The following MARK4 variants were observed in gnomAD, a reference collection of about 807,000 sequenced individuals.
MARK4 encodes MAP/microtubule affinity-regulating kinase 4.
Under a neutral mutation model 81.5 loss-of-function variants are expected in MARK4, and 19 were observed. The observed-to-expected ratio is 0.23, with a 90% CI of 0.16 to 0.34. The LOEUF (loss-of-function observed/expected upper bound fraction) is 0.34, where lower values mean the gene tolerates loss of function less well. Among genes scored for constraint, MARK4 ranks in the 10% least tolerant of loss-of-function variants. MARK4 has a pLI of 1.00. For synonymous variants in MARK4, 436 were observed against 439.0 expected (o/e 0.99, Z 0.08); for missense variants, 772 against 1,058.8 (o/e 0.73, Z 3.76).
chr19:45,263,284 C>T lies in MARK4; in HGVS notation c.307-35C>T, dbSNP rs760206938. On this transcript the variant is annotated intron_variant, in intron 3 of 16. Transcript: ENST00000262891. The stretch of plus-strand genomic sequence containing the variant: ...AAGGATCCCCCAAGCCACCCACCCT[C>T]ACTCTCCTCTGTCTTCCTTTCTGGC... 4 of 1,614,192 alleles carry T rather than the reference C, an allele frequency of 2.5e-6. No individual in the cohort carries two copies. The Middle Eastern group carries it at 6.6e-4, about 266-fold the overall frequency.
rs757281634 is a variant in MARK4 at position 45,287,582 on chromosome 19, C to T, written c.1412C>T (p.Pro471Leu). 3.8e-6 allele frequency: 6 copies of T among 1,597,284 alleles called. No individual in the cohort carries two copies. Among genetic ancestry groups the T allele is most frequent in the South Asian group, 1.1e-5 (1 of 89,560 alleles). ...GGGAGTGGGAGTCGAGGGCTGCCCC[C>T]CTCCAGCCCCATGGTCAGCAGCGCC... is the stretch of plus-strand genomic sequence containing the variant. ...TAGSGSRGLPPSSPMVSSAHN... is the reference protein window; with the variant it reads ...TAGSGSRGLPLSSPMVSSAHN... Residue 471 changes from proline to leucine, a missense_variant, in exon 13 of 17, where the codon CCC becomes CTC. By Grantham distance (98) the Pro-to-Leu change is moderately conservative. Coordinates refer to ENST00000262891, the MANE Select transcript of MARK4 (RefSeq NM_001199867.2).
In MARK4 at chr19:45,280,436, T is replaced by A; in HGVS notation, c.1069T>A (p.Tyr357Asn). 6.2e-7 allele frequency: 1 copy of A among 1,614,100 alleles called. No homozygotes were observed. Among genetic ancestry groups the A allele is most frequent in the Non-Finnish European group, 8.5e-7 (1 of 1,180,004 alleles). ...CAAAGAGTCCTTGACCAGCCAGAAG[T>A]ACAACGAAGTGACCGCCACCTACCT... Reference protein sequence around the residue: ...EIKESLTSQKYNEVTATYLLL... With the variant: ...EIKESLTSQKNNEVTATYLLL... Residue 357 changes from tyrosine to asparagine, a missense_variant, in exon 11 of 17, where the codon TAC (tyrosine) becomes AAC (asparagine). Physicochemically the swap from Tyr to Asn is moderately radical, Grantham distance 143 (BLOSUM62 -2). Coordinates refer to ENST00000262891, the MANE Select transcript of MARK4 (RefSeq NM_001199867.2).
Position 45,302,337 on chromosome 19 carries a change from G to A in MARK4, c.1923-37G>A, listed in dbSNP as rs1970986314. 8 of 1,613,618 alleles carry A rather than the reference G, an allele frequency of 5.0e-6. No homozygotes were observed. Among genetic ancestry groups the A allele is most frequent in the Admixed American group, 3.3e-5 (2 of 59,968 alleles). ...TCAGCCCTCCACCACATTCCTCTTC[G>A]CTCCCATCTCTGACCCCTGACATCT... On this transcript the variant is annotated intron_variant, in intron 16 of 16. Transcript: ENST00000262891. The surrounding 1 kb of genome is among the most constrained non-coding windows in gnomAD (Gnocchi z 4.9).
At chr19:45,269,976 C>T (rs1437999637) in intron 7 of MARK4, among the ~76,000 whole-genome samples, 1 of 152,030 alleles carries the variant, frequency 6.6e-6, no homozygotes, top group South Asian at 2.1e-4. Flanking sequence ...TACAGGCACC[C>T]GCCACCACGC....
rs528678669 is a variant in MARK4, at chr19:45,295,774, G to A, written c.1598+1322G>A. Among the ~76,000 whole-genome samples the A allele has an allele frequency of 2.0e-4, 30 of 150,978 alleles. No individual in the cohort carries two copies. The South Asian group carries it at 4.8e-3, about 24-fold the overall frequency. ...AGCCTGAGCCACACAGCAAGAATCC[G>A]TCTCATAAAAAAAAGGGCTGATGCT... On this transcript the variant is annotated intron_variant, in intron 14 of 16. Coordinates refer to ENST00000262891, the MANE Select transcript of MARK4 (RefSeq NM_001199867.2).
rs537679655 is a variant in MARK4, at chr19:45,283,900, A to G, written c.1276+3166A>G. On this transcript the variant is annotated intron_variant, in intron 12 of 16. Coordinates refer to ENST00000262891, the MANE Select transcript of MARK4 (RefSeq NM_001199867.2). ...TCGTTTTACAGCCCTGCTTGTCTGC[A>G]GGGGTGAAGTTCTTACTCTGGGACA... Among the ~76,000 whole-genome samples the G allele has an allele frequency of 1.2e-4, 18 of 152,222 alleles. No individual in the cohort carries two copies. The South Asian group carries it at 1.7e-3, about 14-fold the overall frequency.
intron 1 of MARK4, among the ~76,000 whole-genome samples, chr19:45,253,331 C>T (rs1970268495): frequency 6.6e-6 from 1 of 152,192 alleles, no homozygotes; most frequent in African/African-American, 2.4e-5. Flanking sequence ...ACCTCTGTTC[C>T]TTGGTCACTA....
Position 45,266,662 on chromosome 19 carries a change from A to G in MARK4, c.549+381A>G, listed in dbSNP as rs537480327. 1.8e-4 allele frequency among the ~76,000 whole-genome samples: 27 copies of G among 150,180 alleles called. No homozygotes were observed. The South Asian group carries it at 4.0e-3, about 22-fold the overall frequency. Reference sequence around the variant, plus strand: ...ACCTTAGGACATTCAGGACTCCTTGAGGATTTAGGTTGCAGAGCCCCAGAG... The same window carrying G: ...ACCTTAGGACATTCAGGACTCCTTGGGGATTTAGGTTGCAGAGCCCCAGAG... On this transcript the variant is annotated intron_variant, in intron 7 of 16. Coordinates refer to ENST00000262891, the MANE Select transcript of MARK4 (RefSeq NM_001199867.2).
In MARK4 at chr19:45,263,085, C is replaced by A. The variant is rs371918880; in HGVS notation, c.253-28C>A. 2.7e-5 allele frequency: 43 copies of A among 1,591,234 alleles called. 1 individual carries two copies. The East Asian group carries it at 8.6e-4, about 32-fold the overall frequency. On this transcript the variant is annotated intron_variant, in intron 2 of 16. Transcript: ENST00000262891. ...CCAGTGGGGCTTGTGGCACCTTGAC[C>A]GTCCCTCCTCCTTTCCTCCCCCTCT... is the stretch of plus-strand genomic sequence containing the variant.
intron 10 of MARK4, 68 bp downstream of exon 10, chr19:45,278,683 A>G: frequency 8.7e-7 from 1 of 1,150,748 alleles, no homozygotes; most frequent in Non-Finnish European, 1.3e-6. Context: ...GGCTCACTGC[A>G]ACCTCCGCCT....
At chr19:45,291,646 G>C (rs947562307) in intron 13 of MARK4, among the ~76,000 whole-genome samples, 2 of 152,202 alleles carry the variant, frequency 1.3e-5, no homozygotes, top group East Asian at 3.8e-4. Flanking sequence ...GCCGGGCTTG[G>C]TGGCGGGCAC....
At position 45,251,622 on chromosome 19, in the gene MARK4, G is replaced by T. The variant is rs1268869960; in HGVS notation, c.34G>T (p.Asp12Tyr). The T allele has an allele frequency of 1.5e-6, 2 of 1,314,704 alleles. No homozygotes were observed. Among genetic ancestry groups the T allele is most frequent in the African/African-American group, 3.4e-5 (2 of 59,392 alleles). 81.4% of individuals were successfully genotyped at this position (1,314,704 alleles called of 1,614,324 possible). ...GCGGACGGTGCTGGCCCCGGGCAAC[G>T]ATCGGAACTCGGACACGGTGAGTGG... ...SSRTVLAPGN[D>Y]RNSDTHGTLG... The change falls in exon 1 of 17, where the codon GAT (aspartate) becomes TAT (tyrosine). Residue 12 changes from aspartate to tyrosine, a missense_variant. Around this residue, in one of 3 missense-constraint regions of MARK4, gnomAD observed 115 missense variants for 139.8 expected, o/e 0.82. Coordinates refer to ENST00000262891, the MANE Select transcript of MARK4 (RefSeq NM_001199867.2).
chr19:45,270,361 G>A (rs1970509877), intron 7 of MARK4, among the ~76,000 whole-genome samples: 1 of 152,112 alleles, frequency 6.6e-6, no homozygotes, highest in Non-Finnish European at 1.5e-5. Context: ...TTCACGTTAT[G>A]CAGACAGACA....
At chr19:45,286,415 G>A (rs1456199082) in intron 12 of MARK4, among the ~76,000 whole-genome samples, 1 of 148,928 alleles carries the variant, frequency 6.7e-6, no homozygotes, top group East Asian at 2.1e-4. Flanking sequence ...AACATGTAAA[G>A]AGATAAATAT....
intron 12 of MARK4, 71 bp downstream of exon 12, chr19:45,280,805 T>A: frequency 1.3e-6 from 2 of 1,576,720 alleles, no homozygotes; most frequent in Non-Finnish European, 1.7e-6. Context: ...TACGTCAGGG[T>A]TCTCTGATTG....
chr19:45,298,014 G>A, intron 15 of MARK4, 60 bp downstream of exon 15: 1 of 1,549,936 alleles, frequency 6.5e-7, no homozygotes, highest in Non-Finnish European at 8.7e-7. Flanking sequence ...GACCTAACCT[G>A]TCTTCCACTC....
At chr19:45,277,164 C>T (rs973588552) in intron 8 of MARK4, among the ~76,000 whole-genome samples, 5 of 152,068 alleles carry the variant, frequency 3.3e-5, no homozygotes, top group African/African-American at 1.2e-4. Flanking sequence ...CAACCTCCAC[C>T]TCCTAAGAGT....
intron 9 of MARK4, 35 bp from the exon 10 acceptor site, chr19:45,278,481 C>T (rs1970630291): frequency 6.3e-7 from 1 of 1,578,504 alleles, no homozygotes; most frequent in Admixed American, 1.7e-5. Context: ...CTTCTGACAC[C>T]TGTCTTCCCC....
chr19:45,293,952 G>C (rs986426029), intron 13 of MARK4, among the ~76,000 whole-genome samples: 3 of 152,200 alleles, frequency 2.0e-5, no homozygotes, highest in Non-Finnish European at 4.4e-5. Flanking sequence ...TAACAGGTGA[G>C]ACAGCCAGTG....
Sources: allele counts gnomAD v4.1 joint callset (sites outside exome capture counted in the v4.1 genomes callset), GRCh38; gene constraint gnomAD v4.1.1; regional missense constraint gnomAD v4.1.1; non-coding constraint Gnocchi (gnomAD v3.1); transcripts MANE v1.5; gene names NCBI Gene and HGNC (gene_info 2026-07-23, HGNC 2026-07-21).